Variants in ZCCHC10 observed in about 807,000 individuals in gnomAD.
ZCCHC10 encodes the protein zinc finger CCHC-type containing 10, also known as zinc finger CCHC domain-containing protein 10.
In ZCCHC10, 16 loss-of-function variants were observed where a neutral mutation model predicts 19.5. The observed-to-expected ratio is 0.82, with a 90% CI of 0.56 to 1.25. The LOEUF is 1.25. Ranked by LOEUF, ZCCHC10 falls within the 50% of genes most tolerant of loss-of-function variation. The pLI is 0.00. For missense variants in ZCCHC10, 197 were observed against 201.0 expected, an observed-to-expected ratio of 0.98 and a Z score of 0.12; for synonymous variants, 67 against 72.5, an observed-to-expected ratio of 0.92 and a Z score of 0.38.
intron 3 of ZCCHC10, among the ~76,000 whole-genome samples, chr5:133,001,993 C>A (rs1478663612): frequency 8.4e-6 from 1 of 119,612 alleles, no homozygotes; most frequent in African/African-American, 3.1e-5. Flanking sequence ...GATGGAGTCT[C>A]CCTCTGTCGC....
At chr5:133,000,475 G>A (rs13360781) in intron 3 of ZCCHC10, among the ~76,000 whole-genome samples, 5 of 151,910 alleles carry the variant, frequency 3.3e-5, no homozygotes, top group Non-Finnish European at 2.9e-5. Flanking sequence ...AACTTAGGCT[G>A]ATATAGCTGT....
At position 133,024,336 on chromosome 5, in the gene ZCCHC10, AAATC is replaced by A. The variant is rs144368652; in HGVS notation, c.42-1434_42-1431del. Among the ~76,000 whole-genome samples, 1,337 of 152,304 alleles carry A rather than the reference AAATC, an allele frequency of 8.8e-3. 14 individuals carry two copies. The highest frequency in any genetic ancestry group is 0.031 in the African/African-American group (1,294 of 41,580). Reference sequence around the variant, plus strand: ...GTACTGAAAGGAGAATAAGATCTCTAAATCAATCAGAGCTTCACAATCCCACAGG... The same window carrying A: ...GTACTGAAAGGAGAATAAGATCTCTAAATCAGAGCTTCACAATCCCACAGG... On this transcript the variant is annotated intron_variant, in intron 1 of 4. Transcript: ENST00000509437.
chr5:133,018,834 T>G (rs1008207666), intron 2 of ZCCHC10, among the ~76,000 whole-genome samples: 3 of 152,120 alleles, frequency 2.0e-5, no homozygotes, highest in African/African-American at 4.8e-5. Flanking sequence ...GCCAGGAAGG[T>G]TGGACTAGAC....
At chr5:133,011,699 G>A (rs1051163006) in intron 2 of ZCCHC10, among the ~76,000 whole-genome samples, 1 of 148,778 alleles carries the variant, frequency 6.7e-6, no homozygotes, top group African/African-American at 2.5e-5. Context: ...CAAATAGAGA[G>A]ATATACCATG....
intron 3 of ZCCHC10, among the ~76,000 whole-genome samples, chr5:133,002,740 G>C (rs1762853329): frequency 6.7e-6 from 1 of 150,090 alleles, no homozygotes; most frequent in African/African-American, 2.5e-5. Flanking sequence ...TTTTTTTTGA[G>C]GTGGAGGCTC....
chr5:132,998,805 A>G lies in ZCCHC10; in HGVS notation c.357T>C (p.Ser119=). The change falls in exon 5 of 5, where the codon TCT becomes TCC. Residue 119 remains serine, a synonymous_variant. Coordinates refer to ENST00000509437, the MANE Select transcript of ZCCHC10 (RefSeq NM_001300816.3). ...TSSSSSSSDS[S]ASDSSSESEE... is the part of the protein sequence containing the mutation. ...CACTCTCTGATGAAGAATCACTGGCAGAACTGTCACTGCTACTGCTACTGG... is the reference window on the plus strand; with the variant it reads ...CACTCTCTGATGAAGAATCACTGGCGGAACTGTCACTGCTACTGCTACTGG... 6.2e-7 allele frequency: 1 copy of G among 1,614,240 alleles called. No individual in the cohort carries two copies.
At chr5:133,025,503 C>CAAAA (rs74843776) in intron 1 of ZCCHC10, among the ~76,000 whole-genome samples, 111 of 18,442 alleles carry the variant, frequency 6.0e-3, no homozygotes, top group East Asian at 0.028. Context: ...GACTCCGCCT[C>CAAAA]AAAAAAAAAA....
intron 3 of ZCCHC10, among the ~76,000 whole-genome samples, chr5:133,006,397 G>A (rs1479940529): frequency 6.6e-6 from 1 of 152,026 alleles, no homozygotes; most frequent in Non-Finnish European, 1.5e-5. Flanking sequence ...GACAGTTGAG[G>A]CAAAAAAGCA....
At chr5:133,021,063 A>G (rs1764275384) in intron 2 of ZCCHC10, among the ~76,000 whole-genome samples, 2 of 152,044 alleles carry the variant, frequency 1.3e-5, no homozygotes, top group South Asian at 4.1e-4. Context: ...TGCCCGGCTA[A>G]TTTTTTGTAT....
chr5:133,013,061 TA>T (rs368155320), intron 2 of ZCCHC10, among the ~76,000 whole-genome samples: 35,135 of 112,918 alleles, frequency 0.31, 4,460 homozygotes, highest in Non-Finnish European at 0.33. Context: ...AAAAAAAAAT[TA>T]AAAAAAAAAA....
At chr5:133,001,698 C>T (rs1232333375) in intron 3 of ZCCHC10, among the ~76,000 whole-genome samples, 1 of 152,102 alleles carries the variant, frequency 6.6e-6, no homozygotes, top group Non-Finnish European at 1.5e-5. Context: ...CTCAAGCAAT[C>T]TGCTCACCTC....
chr5:133,002,124 C>G (rs1055299869), intron 3 of ZCCHC10, among the ~76,000 whole-genome samples: 1 of 151,482 alleles, frequency 6.6e-6, no homozygotes, highest in African/African-American at 2.4e-5. Context: ...CTATGTCTGG[C>G]TAATTTTTTT....
chr5:133,008,613 C>A (rs1047746757), intron 2 of ZCCHC10, among the ~76,000 whole-genome samples: 32 of 151,480 alleles, frequency 2.1e-4, no homozygotes, highest in African/African-American at 7.5e-4. Context: ...GTCTGTAATC[C>A]CAGCATTTTG....
intron 2 of ZCCHC10, among the ~76,000 whole-genome samples, chr5:133,021,670 A>C (rs144932368): frequency 6.6e-6 from 1 of 152,322 alleles, no homozygotes; most frequent in African/African-American, 2.4e-5. Context: ...AAGACTTATT[A>C]TGAAGCTACA....
intron 3 of ZCCHC10, 142 bp from the exon 4 acceptor site, chr5:133,000,315 T>G: frequency 1.1e-6 from 1 of 903,390 alleles, no homozygotes; most frequent in African/African-American, 1.7e-5. Context: ...CAGTATTTCT[T>G]ATTATAAGCA....
At chr5:132,998,993 G>GC in intron 4 of ZCCHC10, 143 bp from the exon 5 acceptor site, 1 of 1,102,632 alleles carries the variant, frequency 9.1e-7, no homozygotes, top group Non-Finnish European at 1.3e-6. Context: ...TCAGCTCACT[G>GC]CAACCTCTGC....
chr5:133,008,372 T>C (rs1346264265), intron 2 of ZCCHC10, among the ~76,000 whole-genome samples: 1 of 148,576 alleles, frequency 6.7e-6, no homozygotes, highest in Non-Finnish European at 1.5e-5. Context: ...ACCCTGTCTC[T>C]ACTAAAAATA....
At chr5:133,022,367 C>A (rs1218156243) in intron 2 of ZCCHC10, among the ~76,000 whole-genome samples, 10 of 152,006 alleles carry the variant, frequency 6.6e-5, no homozygotes, top group African/African-American at 2.4e-4. Flanking sequence ...TATGGGACAA[C>A]CATAGAATTA....
chr5:133,015,854 A>G (rs1763886266), intron 2 of ZCCHC10, among the ~76,000 whole-genome samples: 1 of 152,240 alleles, frequency 6.6e-6, no homozygotes, highest in Non-Finnish European at 1.5e-5. Context: ...TTGATAACTA[A>G]TAATTATTTT....
Sources: gnomAD v4.1 joint callset for allele counts (sites outside exome capture counted in the v4.1 genomes callset) on GRCh38, gnomAD v4.1.1 for gene constraint, MANE v1.5 for transcripts, NCBI Gene and HGNC (gene_info 2026-07-23, HGNC 2026-07-21) for gene names.